ATRX: variants seen among roughly 807,000 people sequenced by gnomAD.
ATRX encodes ATRX chromatin remodeler, also known as chromatin remodeler ATRX.
Under a neutral mutation model 172.6 loss-of-function variants are expected in ATRX, and 12 were observed. That is an observed-to-expected ratio of 0.07 (90% confidence interval 0.04 to 0.11). The LOEUF is 0.11. Ranked by LOEUF, ATRX falls within the 10% of genes least tolerant of loss-of-function variation. The pLI is 1.00. For missense variants in ATRX, 1,368 were observed against 1,767.4 expected (o/e 0.77, Z 4.05); for synonymous variants, 674 against 594.7 (o/e 1.13, Z -1.94).
At chrX:77,707,625 T>C (rs1218265484) in intron 2 of ATRX, among the ~76,000 whole-genome samples, 9 of 111,136 alleles carry the variant, frequency 8.1e-5, no homozygotes, top group African/African-American at 2.3e-4. Context: ...CACACACCCA[T>C]AGTCTTAGCT....
At chrX:77,709,523 C>A (rs1557159347) in intron 2 of ATRX, among the ~76,000 whole-genome samples, 1 of 110,480 alleles carries the variant, frequency 9.1e-6, no homozygotes, top group African/African-American at 3.3e-5. Context: ...ACAATAAACC[C>A]CAGTGATGCT....
Position 77,765,283 on chromosome X carries a change from G to A in ATRX, c.20+20699C>T, listed in dbSNP as rs2075867801. ...TACCATAATGATTTTAAATAGCAAG[G>A]AAACAGCTCTGAAGCACGGGAACAA... On this transcript the variant is annotated intron_variant, in intron 1 of 34. Transcript: ENST00000373344. Among the ~76,000 whole-genome samples the A allele has an allele frequency of 4.5e-5, 5 of 112,117 alleles. No homozygotes were observed. The Admixed American group carries it at 4.7e-4, about 11-fold the overall frequency.
At chrX:77,547,420 T>C (rs1215588845) in intron 30 of ATRX, among the ~76,000 whole-genome samples, 1 of 111,738 alleles carries the variant, frequency 8.9e-6, no homozygotes, top group Non-Finnish European at 1.9e-5. Context: ...ACCCAAATGT[T>C]TTCCCTAAAA....
At chrX:77,679,276 T>C (rs986191025) in intron 9 of ATRX, among the ~76,000 whole-genome samples, 43 of 110,827 alleles carry the variant, frequency 3.9e-4, no homozygotes, top group African/African-American at 1.3e-3. Context: ...CCCCCAAAAA[T>C]ATCCAGGGTA....
At chrX:77,664,855 T>G (rs1373686682) in intron 10 of ATRX, 77 bp from the exon 11 acceptor site, 2 of 937,034 alleles carry the variant, frequency 2.1e-6, no homozygotes, top group Admixed American at 6.1e-5. Flanking sequence ...AAAAACAGAC[T>G]TCTTTGAATC....
chrX:77,715,270 T>G (rs1178932913), intron 2 of ATRX, among the ~76,000 whole-genome samples: 1 of 112,122 alleles, frequency 8.9e-6, no homozygotes, highest in Non-Finnish European at 1.9e-5. Flanking sequence ...ACCTTTTCTA[T>G]GTTTCCATGT....
chrX:77,710,735 G>A lies in ATRX; in HGVS notation c.133+6396C>T, dbSNP rs1410179872. Among the ~76,000 whole-genome samples the A allele has an allele frequency of 4.5e-5, 5 of 111,216 alleles. No individual in the cohort carries two copies. In the Admixed American group the frequency reaches 4.8e-4, roughly 11 times the overall value. On this transcript the variant is annotated intron_variant, in intron 2 of 34. Transcript: ENST00000373344. ...TAAACTCCATTTATTTAACATATTT[G>A]AAATGACAAAATTTTCAAAATGGAA...
At position 77,762,304 on chromosome X, in the gene ATRX, CAAAAAAAAAAA is replaced by C. The variant is rs782237740; in HGVS notation, c.20+23667_20+23677del. On this transcript the variant is annotated intron_variant, in intron 1 of 34. Transcript: ENST00000373344. ...TGGGCGACAGAGCAAGACTCTGTCT[CAAAAAAAAAAA>C]AAAAAAAAAAAAAGATACACATTGA... 2.1e-4 allele frequency among the ~76,000 whole-genome samples: 5 copies of C among 23,412 alleles called. No individual in the cohort carries two copies. In the East Asian group the frequency reaches 6.1e-3, roughly 29 times the overall value. The allele number at this position is 23,412 out of a possible 115,157, so 20.3% of individuals were successfully genotyped here.
At chrX:77,568,159 G>GAAAAAAAAAAAAAAAA (rs1159858312) in intron 28 of ATRX, among the ~76,000 whole-genome samples, 1 of 90,196 alleles carries the variant, frequency 1.1e-5, no homozygotes, top group African/African-American at 4.0e-5. Context: ...ATTAAAATAG[G>GAAAAAAAAAAAAAAAA]AAAAAAAAAA....
At chrX:77,704,994 T>C (rs1282789376) in intron 2 of ATRX, among the ~76,000 whole-genome samples, 1 of 110,593 alleles carries the variant, frequency 9.0e-6, no homozygotes, top group African/African-American at 3.3e-5. Context: ...TGGGCAGCTA[T>C]AGCTGTGCCC....
At chrX:77,695,921 T>C (rs1401830603) in intron 5 of ATRX, among the ~76,000 whole-genome samples, 2 of 111,774 alleles carry the variant, frequency 1.8e-5, no homozygotes, top group South Asian at 3.7e-4. Flanking sequence ...AAAATTTGAC[T>C]CTTTGAACCA....
At chrX:77,725,516 A>G (rs1445730581) in intron 1 of ATRX, among the ~76,000 whole-genome samples, 4 of 111,803 alleles carry the variant, frequency 3.6e-5, no homozygotes, top group African/African-American at 1.3e-4. Flanking sequence ...AACCATAAAA[A>G]CCCTAGAAGA....
At chrX:77,778,526 T>C (rs782248573) in intron 1 of ATRX, among the ~76,000 whole-genome samples, 1 of 109,360 alleles carries the variant, frequency 9.1e-6, no homozygotes, top group African/African-American at 3.3e-5. Context: ...ATCAAGACCA[T>C]CCTGGCCAAC....
intron 11 of ATRX, among the ~76,000 whole-genome samples, chrX:77,663,870 G>A (rs1384809612): frequency 9.0e-6 from 1 of 111,605 alleles, no homozygotes; most frequent in Non-Finnish European, 1.9e-5. Context: ...GGGAGGCCGA[G>A]GTGGGCAGAT....
chrX:77,755,943 G>A (rs1421677784), intron 1 of ATRX, among the ~76,000 whole-genome samples: 9 of 112,242 alleles, frequency 8.0e-5, no homozygotes, highest in East Asian at 2.8e-4. Context: ...CTGAAGCTGC[G>A]CCCACAGCTG....
At chrX:77,617,396 G>A (rs1357262909) in intron 21 of ATRX, among the ~76,000 whole-genome samples, 1 of 110,898 alleles carries the variant, frequency 9.0e-6, no homozygotes, top group African/African-American at 3.3e-5. Context: ...CTGACCAAAC[G>A]GAACAACTAC....
At chrX:77,669,371 A>C (rs1458629052) in intron 10 of ATRX, among the ~76,000 whole-genome samples, 4 of 110,089 alleles carry the variant, frequency 3.6e-5, no homozygotes, top group African/African-American at 1.0e-4. Flanking sequence ...GCAGTAGCAC[A>C]ATCTCAACCT....
intron 1 of ATRX, among the ~76,000 whole-genome samples, chrX:77,735,498 T>G (rs1422374647): frequency 9.2e-6 from 1 of 108,153 alleles, no homozygotes; most frequent in Non-Finnish European, 1.9e-5. Context: ...AGGCTGAGGC[T>G]GGAGAATGGC....
chrX:77,752,817 A>G (rs1557188207), intron 1 of ATRX, among the ~76,000 whole-genome samples: 1 of 111,700 alleles, frequency 9.0e-6, no homozygotes, highest in African/African-American at 3.2e-5. Context: ...GAGATGAAGC[A>G]GACTTGATAA....
Sources: gnomAD v4.1 joint callset for allele counts (sites outside exome capture counted in the v4.1 genomes callset) on GRCh38, gnomAD v4.1.1 for gene constraint, MANE v1.5 for transcripts, NCBI Gene and HGNC (gene_info 2026-07-23, HGNC 2026-07-21) for gene names.